The following OTOP1 variants were observed in gnomAD, a reference collection of about 807,000 sequenced individuals.
OTOP1 encodes proton channel OTOP1.
Under a neutral mutation model 52.9 loss-of-function variants are expected in OTOP1, and 59 were observed. That is an observed-to-expected ratio of 1.12 (90% CI 0.91 to 1.39). OTOP1 has a LOEUF of 1.39. Ranked by LOEUF, OTOP1 falls within the 40% of genes most tolerant of loss-of-function variation. The pLI is 0.00. For missense variants in OTOP1, 761 were observed against 800.9 expected, an observed-to-expected ratio of 0.95 and a Z score of 0.60; for synonymous variants, 317 against 337.7, an observed-to-expected ratio of 0.94 and a Z score of 0.67.
intron 4 of OTOP1, among the ~76,000 whole-genome samples, chr4:4,201,471 T>TATACACAC (rs1553852440): frequency 2.3e-4 from 32 of 140,856 alleles, no homozygotes; most frequent in Admixed American, 9.2e-4. Context: ...TATATATATA[T>TATACACAC]ACACACACAC....
rs746823831 is a variant in OTOP1 at position 4,197,335 on chromosome 4, T to C, written c.1499A>G (p.Asn500Ser). Residue 500 changes from asparagine to serine, a missense_variant, in exon 5 of 6, where the codon AAT (asparagine) becomes AGT (serine). By Grantham distance (46) the Asn-to-Ser change is conservative. Transcript: ENST00000296358. Reference protein sequence around the residue: ...PQGKDMPPAANGNVCMRESHD... With the variant: ...PQGKDMPPAASGNVCMRESHD... ...GCTTTCTCTCATGCACACATTTCCA[T>C]TGGCTGCTGGTGGCATGTCCTTGCC... The C allele has an allele frequency of 6.8e-6, 11 of 1,614,080 alleles. No individual in the cohort carries two copies. The highest frequency in any genetic ancestry group is 4.5e-5 in the East Asian group (2 of 44,864).
chr4:4,206,831 A>G (rs1243858381), intron 2 of OTOP1, among the ~76,000 whole-genome samples: 1 of 152,240 alleles, frequency 6.6e-6, no homozygotes, highest in African/African-American at 2.4e-5. Flanking sequence ...TCAATCACTT[A>G]GACTAGCACC....
intron 4 of OTOP1, among the ~76,000 whole-genome samples, chr4:4,201,134 A>G (rs1716776463): frequency 6.6e-6 from 1 of 152,114 alleles, no homozygotes; most frequent in South Asian, 2.1e-4. Context: ...TGAGGTTAAT[A>G]TTGTCTACCT....
At chr4:4,222,042 C>A (rs1483487531) in intron 1 of OTOP1, among the ~76,000 whole-genome samples, 1 of 152,160 alleles carries the variant, frequency 6.6e-6, no homozygotes, top group Non-Finnish European at 1.5e-5. Flanking sequence ...ATCCATCCAT[C>A]CAATCATTCA....
At chr4:4,215,481 G>A (rs1717122075) in intron 1 of OTOP1, among the ~76,000 whole-genome samples, 1 of 152,014 alleles carries the variant, frequency 6.6e-6, no homozygotes, top group South Asian at 2.1e-4. Context: ...GACCAATGTG[G>A]AGAAACCCCA....
Position 4,197,822 on chromosome 4 carries a change from G to T in OTOP1, c.1012C>A (p.Arg338Ser), listed in dbSNP as rs145321134. 1 of 1,613,986 alleles carries T rather than the reference G, an allele frequency of 6.2e-7. No homozygotes were observed. The highest frequency in any genetic ancestry group is 1.3e-5 in the African/African-American group (1 of 74,976). Residue 338 changes from arginine (R) to serine (S), a missense_variant, in exon 5 of 6, where the codon CGC (arginine) becomes AGC (serine). By Grantham distance (110) the Arg-to-Ser change is moderately radical. This residue lies in a region of OTOP1 where 632 missense variants were observed against 619.5 expected (regional missense o/e 1.02). Coordinates refer to ENST00000296358, the MANE Select transcript of OTOP1 (RefSeq NM_177998.3). ...VVVVYLIHIG[R>S]SKTKSESALI... ...GCCGACTCGCTCTTGGTCTTGGAGC[G>T]CCCAATATGAATCAGGTATACCACC...
rs1249542507 is a variant in OTOP1 at position 4,188,772 on chromosome 4, A to T, written c.*31T>A. The T allele has an allele frequency of 6.4e-7, 1 of 1,565,610 alleles. No individual in the cohort carries two copies. The highest frequency in any genetic ancestry group is 1.9e-5 in the Admixed American group (1 of 53,528). On this transcript the variant is annotated 3_prime_UTR_variant, in exon 6 of 6. Transcript: ENST00000296358. Reference sequence around the variant, plus strand: ...TAGTTGGCTCCAATGAACTCTTGTTAGCTCACTCCTAGGTCTCTTGTGGAC... The same window carrying T: ...TAGTTGGCTCCAATGAACTCTTGTTTGCTCACTCCTAGGTCTCTTGTGGAC...
At position 4,214,834 on chromosome 4, in the gene OTOP1, G is replaced by C. The variant is rs75636308; in HGVS notation, c.404-1830C>G. 5.4e-3 allele frequency among the ~76,000 whole-genome samples: 826 copies of C among 152,268 alleles called. 21 individuals are homozygous for C. In the East Asian group the frequency reaches 0.077, roughly 14 times the overall value. On this transcript the variant is annotated intron_variant, in intron 1 of 5. Coordinates refer to ENST00000296358, the MANE Select transcript of OTOP1 (RefSeq NM_177998.3). Reference sequence around the variant, plus strand: ...GGAGTTAGTGTTTAATGAGGACAGAGTTTCAGTTTTGCAAGACGAAAAAGT... The same window carrying C: ...GGAGTTAGTGTTTAATGAGGACAGACTTTCAGTTTTGCAAGACGAAAAAGT...
At chr4:4,214,851 C>T (rs13111344) in intron 1 of OTOP1, among the ~76,000 whole-genome samples, 49,733 of 151,966 alleles carry the variant, frequency 0.33, 8,348 homozygotes, top group South Asian at 0.46. Flanking sequence ...TTTTGCAAGA[C>T]GAAAAAGTTC....
At chr4:4,224,700 C>T (rs184108590) in intron 1 of OTOP1, among the ~76,000 whole-genome samples, 48 of 152,224 alleles carry the variant, frequency 3.2e-4, no homozygotes, top group African/African-American at 1.1e-3. Flanking sequence ...GTCAAATTTC[C>T]CCAAAAGCAA....
chr4:4,211,438 ACTT>A (rs78517212), intron 2 of OTOP1, among the ~76,000 whole-genome samples: 22,236 of 152,132 alleles, frequency 0.15, 2,215 homozygotes, highest in Non-Finnish European at 0.22. Context: ...CTGAGCTCCA[ACTT>A]CTTCGTTAGA....
At chr4:4,190,815 C>G (rs1279055338) in intron 5 of OTOP1, among the ~76,000 whole-genome samples, 1 of 152,114 alleles carries the variant, frequency 6.6e-6, no homozygotes, top group Non-Finnish European at 1.5e-5. Context: ...TTGGCGGGTC[C>G]CTCCCAGTCT....
At position 4,191,789 on chromosome 4, in the gene OTOP1, G is replaced by T. The variant is rs78975682; in HGVS notation, c.1669-2816C>A. Among the ~76,000 whole-genome samples the T allele has an allele frequency of 9.7e-3, 1,480 of 152,278 alleles. 51 individuals are homozygous for T. The East Asian group carries it at 0.13, about 13-fold the overall frequency. On this transcript the variant is annotated intron_variant, in intron 5 of 5. Transcript: ENST00000296358. ...CTGATGGTTTTGCCTGCTGTTGCCTGGTTTGTAAGCCCCATAAGAGGAAGA... is the reference window on the plus strand; with the variant it reads ...CTGATGGTTTTGCCTGCTGTTGCCTTGTTTGTAAGCCCCATAAGAGGAAGA...
In OTOP1 at chr4:4,221,910, C is replaced by T. The variant is rs112270901; in HGVS notation, c.403+4552G>A. Among the ~76,000 whole-genome samples the T allele has an allele frequency of 3.7e-3, 563 of 152,282 alleles. 2 individuals carry two copies. The highest frequency in any genetic ancestry group is 0.027 in the Middle Eastern group (8 of 294). On this transcript the variant is annotated intron_variant, in intron 1 of 5. Transcript: ENST00000296358. ...GGACTACAGGTGTGAGCCACCACGCCTGGCCTGGTGCTTACTTTAGAATGC... is the reference window on the plus strand; with the variant it reads ...GGACTACAGGTGTGAGCCACCACGCTTGGCCTGGTGCTTACTTTAGAATGC...
intron 5 of OTOP1, among the ~76,000 whole-genome samples, chr4:4,190,783 C>T (rs1376213522): frequency 6.6e-6 from 1 of 152,136 alleles, no homozygotes; most frequent in Non-Finnish European, 1.5e-5. Flanking sequence ...CTGCTGTGAC[C>T]CTTAGGGGCT....
intron 4 of OTOP1, among the ~76,000 whole-genome samples, chr4:4,201,816 C>T (rs1467307512): frequency 6.6e-6 from 1 of 152,146 alleles, no homozygotes; most frequent in Non-Finnish European, 1.5e-5. Context: ...GGGAACAAAC[C>T]TGAGACACCC....
intron 1 of OTOP1, 54 bp from the exon 2 acceptor site, chr4:4,213,058 T>C (rs1241891336): frequency 3.2e-6 from 5 of 1,573,368 alleles, no homozygotes; most frequent in South Asian, 2.2e-5. Context: ...TTAACATACA[T>C]TGATGTCATT....
chr4:4,201,467 T>TACACACACACACACACACAC (rs374925758), intron 4 of OTOP1, among the ~76,000 whole-genome samples: 1 of 126,290 alleles, frequency 7.9e-6, no homozygotes, highest in East Asian at 2.1e-4. Flanking sequence ...TAAATATATA[T>TACACACACACACACACACAC]ATATACACAC....
chr4:4,199,403 G>T (rs199890839), intron 4 of OTOP1, among the ~76,000 whole-genome samples: 109 of 151,860 alleles, frequency 7.2e-4, no homozygotes, highest in South Asian at 6.3e-3. Flanking sequence ...TATTTTGGGG[G>T]TTTTTTTGTT....
Sources: allele counts gnomAD v4.1 joint callset (sites outside exome capture counted in the v4.1 genomes callset), GRCh38; gene constraint gnomAD v4.1.1; regional missense constraint gnomAD v4.1.1; transcripts MANE v1.5; gene names NCBI Gene and HGNC (gene_info 2026-07-23, HGNC 2026-07-21).